The following STK33 variants were observed in gnomAD, a reference collection of about 807,000 sequenced individuals.
STK33 encodes serine/threonine-protein kinase 33.
STK33 carries 52 observed loss-of-function variants against 58.0 expected under a neutral mutation model. That is an observed-to-expected ratio of 0.90 (90% CI 0.72 to 1.13). STK33 has a LOEUF of 1.13. STK33 is among the 50% of genes most tolerant of loss of function. The probability of loss-of-function intolerance (pLI) is 0.00; values close to 1 mark genes in which losing one functional copy is unlikely to be tolerated. For synonymous variants in STK33, 215 were observed against 200.1 expected, an observed-to-expected ratio of 1.07 and a Z score of -0.63; for missense variants, 630 against 604.2, an observed-to-expected ratio of 1.04 and a Z score of -0.45.
chr11:8,397,415 T>C (rs998079672), intron 15 of STK33, among the ~76,000 whole-genome samples: 1 of 151,960 alleles, frequency 6.6e-6, no homozygotes, highest in East Asian at 1.9e-4. Flanking sequence ...ACTGTTAGAA[T>C]AAAAACTAAC....
chr11:8,486,564 T>C (rs1283760086), intron 1 of STK33, among the ~76,000 whole-genome samples: 5 of 152,208 alleles, frequency 3.3e-5, no homozygotes, highest in Non-Finnish European at 7.3e-5. Flanking sequence ...ATACTCTGAA[T>C]TGTACTTGGT....
At chr11:8,492,009 A>G (rs906577112) in intron 1 of STK33, among the ~76,000 whole-genome samples, 11 of 152,236 alleles carry the variant, frequency 7.2e-5, no homozygotes, top group African/African-American at 2.4e-4. Flanking sequence ...TGTAAAGACC[A>G]TCAATGCTAG....
chr11:8,394,193 C>A (rs1278764998), intron 15 of STK33, among the ~76,000 whole-genome samples: 1 of 152,052 alleles, frequency 6.6e-6, no homozygotes, highest in Admixed American at 6.6e-5. Context: ...GTATTTTTAT[C>A]GAAAACTCCT....
chr11:8,368,214 T>C, the STK33 span, among the ~76,000 whole-genome samples: 4 of 152,174 alleles, frequency 2.6e-5, no homozygotes, highest in Non-Finnish European at 5.9e-5. Context: ...TGTCCCTGCA[T>C]GGCTATGGAA....
chr11:8,454,942 G>A, intron 9 of STK33, 110 bp from the exon 10 acceptor site: 2 of 1,118,664 alleles, frequency 1.8e-6, no homozygotes, highest in Non-Finnish European at 2.4e-6. Flanking sequence ...TGAAAAATTT[G>A]AGGGCCAAGC....
chr11:8,380,570 A>T, the STK33 span, among the ~76,000 whole-genome samples: 1 of 152,136 alleles, frequency 6.6e-6, no homozygotes, highest in Non-Finnish European at 1.5e-5. Flanking sequence ...CAAAAAAAAA[A>T]AAAAAAATGG....
At chr11:8,386,030 C>T in the STK33 span, among the ~76,000 whole-genome samples, 1 of 152,218 alleles carries the variant, frequency 6.6e-6, no homozygotes, top group Non-Finnish European at 1.5e-5. Context: ...ACCTTGGCCT[C>T]CCAAAGTGCT....
At chr11:8,382,242 A>T in the STK33 span, among the ~76,000 whole-genome samples, 42 of 152,226 alleles carry the variant, frequency 2.8e-4, no homozygotes, top group Non-Finnish European at 4.3e-4. Context: ...CCTGGCGCTC[A>T]TCACACTGGA....
intron 1 of STK33, among the ~76,000 whole-genome samples, chr11:8,491,560 C>G (rs1043683767): frequency 6.6e-6 from 1 of 152,140 alleles, no homozygotes; most frequent in Non-Finnish European, 1.5e-5. Context: ...CCTAGCAAGG[C>G]AGGCCAACAT....
chr11:8,344,229 A>ACACC, the STK33 span, among the ~76,000 whole-genome samples: 2 of 150,374 alleles, frequency 1.3e-5, no homozygotes, highest in Admixed American at 6.6e-5. Flanking sequence ...ACACACACAC[A>ACACC]CCCCAGTTAG....
At chr11:8,432,890 T>C (rs1275588287) in intron 14 of STK33, among the ~76,000 whole-genome samples, 1 of 152,176 alleles carries the variant, frequency 6.6e-6, no homozygotes, top group Admixed American at 6.5e-5. Context: ...CTCTATCCAT[T>C]TGGCAAAGAC....
intron 7 of STK33, among the ~76,000 whole-genome samples, chr11:8,462,746 C>T (rs568702194): frequency 1.6e-3 from 242 of 152,166 alleles, no homozygotes; most frequent in African/African-American, 5.2e-3. Context: ...GGACTTCATT[C>T]GGGTGTAGGT....
At chr11:8,478,665 T>C (rs1161469273) in intron 2 of STK33, among the ~76,000 whole-genome samples, 1 of 152,230 alleles carries the variant, frequency 6.6e-6, no homozygotes, top group Non-Finnish European at 1.5e-5. Flanking sequence ...AAGCAATTTT[T>C]TTAGTTTTCT....
chr11:8,536,952 AAAAAAAAAAAAAAAAAAAG>A (rs1955059816), intron 1 of STK33, among the ~76,000 whole-genome samples: 3 of 87,302 alleles, frequency 3.4e-5, no homozygotes, highest in Admixed American at 3.1e-4. Flanking sequence ...CAGCTAATTA[AAAAAAAAAAAAAAAAAAAG>A]ATTTTTTTTT....
chr11:8,482,400 C>T (rs1228457759), intron 1 of STK33, among the ~76,000 whole-genome samples: 1 of 152,148 alleles, frequency 6.6e-6, no homozygotes, highest in South Asian at 2.1e-4. Flanking sequence ...AAATGAGAAT[C>T]CAGCCATCTA....
the STK33 span, among the ~76,000 whole-genome samples, chr11:8,357,853 C>G: frequency 1.3e-5 from 2 of 152,358 alleles, no homozygotes; most frequent in Middle Eastern, 6.8e-3. Flanking sequence ...TGAGCTCACA[C>G]CCAGTGTGTC....
chr11:8,416,284 CT>C (rs2135735005), intron 14 of STK33, among the ~76,000 whole-genome samples: 1 of 152,240 alleles, frequency 6.6e-6, no homozygotes, highest in African/African-American at 2.4e-5. Flanking sequence ...AAGATGCTCC[CT>C]CTGTCTTATA....
At chr11:8,546,342 G>T (rs966464446) in intron 1 of STK33, among the ~76,000 whole-genome samples, 2 of 152,118 alleles carry the variant, frequency 1.3e-5, no homozygotes, top group African/African-American at 4.8e-5. Context: ...TATTTATGGG[G>T]TACCTGTGAG....
intron 15 of STK33, among the ~76,000 whole-genome samples, chr11:8,412,139 T>A (rs1040395794): frequency 9.9e-5 from 15 of 152,188 alleles, no homozygotes; most frequent in Non-Finnish European, 1.9e-4. Flanking sequence ...TGTAAGAATA[T>A]GTGAGTATAT....
Sources: gnomAD v4.1 joint callset for allele counts (sites outside exome capture counted in the v4.1 genomes callset) on GRCh38, gnomAD v4.1.1 for gene constraint, MANE v1.5 for transcripts, NCBI Gene and HGNC (gene_info 2026-07-23, HGNC 2026-07-21) for gene names.